The following B3GALT6 variants were observed in gnomAD, a reference collection of about 807,000 sequenced individuals.
B3GALT6 encodes GAG GalTII.
Under a neutral mutation model 23.3 loss-of-function variants are expected in B3GALT6, and 27 were observed. The observed-to-expected ratio is 1.16, with a 90% confidence interval of 0.85 to 1.60. The LOEUF (loss-of-function observed/expected upper bound fraction) is 1.60, where lower values mean the gene tolerates loss of function less well. B3GALT6 is among the 40% of genes most tolerant of loss of function. B3GALT6 has a pLI of 0.00. For synonymous variants in B3GALT6, 313 were observed against 232.3 expected (o/e 1.35, Z -3.16); for missense variants, 554 against 471.1 (o/e 1.18, Z -1.63).
chr1:1,233,182 C>A lies in B3GALT6; in HGVS notation c.904C>A (p.Arg302Ser). 6.5e-7 allele frequency: 1 copy of A among 1,543,796 alleles called. No individual in the cohort carries two copies. Among genetic ancestry groups the A allele is most frequent in the Non-Finnish European group, 8.7e-7 (1 of 1,148,992 alleles). ...GGCGCGCGAGGGCCGCCTGTGCAAG[C>A]GCGAGGTGCAGCTGCGCCTGTCCTA... is the stretch of plus-strand genomic sequence containing the variant. Reference protein sequence around the residue: ...TLAREGRLCKREVQLRLSYVY... With the variant: ...TLAREGRLCKSEVQLRLSYVY... Residue 302 changes from arginine to serine, a missense_variant, in exon 1 of 1, where the codon CGC (arginine) becomes AGC (serine). Arg to Ser is a moderately radical substitution (Grantham distance 110, BLOSUM62 -1). Coordinates refer to ENST00000379198, the MANE Select transcript of B3GALT6 (RefSeq NM_080605.4).
rs746713653 is a variant in B3GALT6, at chr1:1,232,676, C to A, written c.398C>A (p.Thr133Lys). Residue 133 changes from threonine to lysine, a missense_variant, in exon 1 of 1, where the codon ACG becomes AAG. Thr to Lys is a moderately conservative substitution (Grantham distance 78). Coordinates refer to ENST00000379198, the MANE Select transcript of B3GALT6 (RefSeq NM_080605.4). Reference protein sequence around the residue: ...PALRDAYENLTAKVLAMLAWL... With the variant: ...PALRDAYENLKAKVLAMLAWL... Reference sequence around the variant, plus strand: ...CTGCGCGACGCCTACGAAAACCTCACGGCCAAGGTGCTGGCCATGCTGGCC... The same window carrying A: ...CTGCGCGACGCCTACGAAAACCTCAAGGCCAAGGTGCTGGCCATGCTGGCC... 2 of 1,358,894 alleles carry A rather than the reference C, an allele frequency of 1.5e-6. No homozygotes were observed. Among genetic ancestry groups the A allele is most frequent in the South Asian group, 1.8e-5 (1 of 55,864 alleles). The allele number at this position is 1,358,894 out of a possible 1,614,324, so 84.2% of individuals were successfully genotyped here.
At position 1,234,601 on chromosome 1, in the gene B3GALT6, G is replaced by T. The variant is rs1009829243; in HGVS notation, c.*1333G>T. 3.0e-5 allele frequency: 5 copies of T among 166,948 alleles called. No homozygotes were observed. The highest frequency in any genetic ancestry group is 1.2e-4 in the African/African-American group (5 of 41,444). 10.3% of individuals were successfully genotyped at this position (166,948 alleles called of 1,614,324 possible). A position where few individuals can be genotyped will look rare whatever the true frequency, so the allele number is the denominator to read the frequency against. ...ACAGTTTGTTCTTGGACGAGGACTC[G>T]TGAGGATCGAGGGCTGGGGACCCCG... is the stretch of plus-strand genomic sequence containing the variant. On this transcript the variant is annotated 3_prime_UTR_variant, in exon 1 of 1. Coordinates refer to ENST00000379198, the MANE Select transcript of B3GALT6 (RefSeq NM_080605.4).
rs756566189 is a variant in B3GALT6, at chr1:1,233,162, G to T, written c.884G>T (p.Arg295Leu). The T allele has an allele frequency of 1.2e-5, 18 of 1,547,966 alleles. No individual in the cohort carries two copies. In the Admixed American group the frequency reaches 2.5e-4, roughly 22 times the overall value. Residue 295 changes from arginine (R) to leucine (L), a missense_variant, in exon 1 of 1, where the codon CGC becomes CTC. Transcript: ENST00000379198. ...CTGGAGAAGCACGCGACGCTGGCGCGCGAGGGCCGCCTGTGCAAGCGCGAG... is the reference window on the plus strand; with the variant it reads ...CTGGAGAAGCACGCGACGCTGGCGCTCGAGGGCCGCCTGTGCAAGCGCGAG... Reference protein sequence around the residue: ...DMLEKHATLAREGRLCKREVQ... With the variant: ...DMLEKHATLALEGRLCKREVQ...
In B3GALT6 at chr1:1,232,686, G is replaced by A. The variant is rs1005068463; in HGVS notation, c.408G>A (p.Val136=). The A allele has an allele frequency of 5.7e-6, 8 of 1,394,986 alleles. No individual in the cohort carries two copies. Among genetic ancestry groups the A allele is most frequent in the South Asian group, 1.6e-5 (1 of 64,108 alleles). 86.4% of individuals were successfully genotyped at this position (1,394,986 alleles called of 1,614,324 possible). Residue 136 remains valine, a synonymous_variant, in exon 1 of 1, where the codon GTG becomes GTA. Transcript: ENST00000379198. ...RDAYENLTAK[V]LAMLAWLDEH... The stretch of plus-strand genomic sequence containing the variant: ...CCTACGAAAACCTCACGGCCAAGGT[G>A]CTGGCCATGCTGGCCTGGCTGGACG...
rs1638531735 is a variant in B3GALT6, at chr1:1,232,329, C to T, written c.51C>T (p.Gly17=). 1.0e-6 allele frequency: 1 copy of T among 982,452 alleles called. No individual in the cohort carries two copies. Among genetic ancestry groups the T allele is most frequent in the Non-Finnish European group, 1.2e-6 (1 of 830,324 alleles). 60.9% of individuals were successfully genotyped at this position (982,452 alleles called of 1,614,324 possible). A position where few individuals can be genotyped will look rare whatever the true frequency, so the allele number is the denominator to read the frequency against. ...GGCGGCGGGCGGCGCTAGGCCTGGG[C>T]ACGCTGGCGCTGTGCGGGGCGGCGC... ...AWRRRAALGL[G]TLALCGAALL... is the part of the protein sequence containing the mutation. The change falls in exon 1 of 1, where the codon GGC becomes GGT. Residue 17 remains glycine (G), a synonymous_variant. Transcript: ENST00000379198.
Position 1,234,536 on chromosome 1 carries a change from A to G in B3GALT6, c.*1268A>G, listed in dbSNP as rs578059239. 1.5e-4 allele frequency: 25 copies of G among 166,996 alleles called. No individual in the cohort carries two copies. Among genetic ancestry groups the G allele is most frequent in the African/African-American group, 6.0e-4 (25 of 41,540 alleles). The allele number at this position is 166,996 out of a possible 1,614,324, so 10.3% of individuals were successfully genotyped here. ...GTCAGGCCGTTGAGTTCGAGCTCCG[A>G]TGGGCCACCTTGAATCCAGGACTGA... On this transcript the variant is annotated 3_prime_UTR_variant, in exon 1 of 1. Transcript: ENST00000379198.
At position 1,233,447 on chromosome 1, in the gene B3GALT6, TC is replaced by T; in HGVS notation, c.*181del. The stretch of plus-strand genomic sequence containing the variant: ...GGGGTTGCCGGGGCAGCGCGCCGTG[TC>T]CAGGTGGAGGTGCCCGTTCCTGGAC... On this transcript the variant is annotated 3_prime_UTR_variant, in exon 1 of 1. Coordinates refer to ENST00000379198, the MANE Select transcript of B3GALT6 (RefSeq NM_080605.4). 1 of 834,170 alleles carries T rather than the reference TC, an allele frequency of 1.2e-6. No individual in the cohort carries two copies. Among genetic ancestry groups the T allele is most frequent in the Non-Finnish European group, 1.7e-6 (1 of 594,024 alleles). The allele number at this position is 834,170 out of a possible 1,614,324, so 51.7% of individuals were successfully genotyped here.
Position 1,232,413 on chromosome 1 carries a change from C to T in B3GALT6, c.135C>T (p.Arg45=). 1.0e-6 allele frequency: 1 copy of T among 989,838 alleles called. No individual in the cohort carries two copies. Among genetic ancestry groups the T allele is most frequent in the Non-Finnish European group, 1.2e-6 (1 of 834,530 alleles). 61.3% of individuals were successfully genotyped at this position (989,838 alleles called of 1,614,324 possible). The change falls in exon 1 of 1, where the codon CGC becomes CGT. Residue 45 remains arginine (R), a synonymous_variant. Transcript: ENST00000379198. ...EPGDPRAMSG[R]SPPPPAPARA... is the part of the protein sequence containing the mutation. ...GGGACCCCAGGGCGATGTCGGGCCG[C>T]AGCCCGCCTCCCCCCGCGCCCGCGC...
rs368507303 is a variant in B3GALT6, at chr1:1,233,187, G to A, written c.909G>A (p.Glu303=). Residue 303 remains glutamate (E), a synonymous_variant, in exon 1 of 1, where the codon GAG becomes GAA. Transcript: ENST00000379198. The part of the protein sequence containing the change: ...LAREGRLCKR[E]VQLRLSYVYD... ...GCGAGGGCCGCCTGTGCAAGCGCGA[G>A]GTGCAGCTGCGCCTGTCCTACGTGT... 3.3e-4 allele frequency: 503 copies of A among 1,542,928 alleles called. 1 individual carries two copies. The African/African-American group carries it at 5.9e-3, about 18-fold the overall frequency.
rs1638598426 is a variant in B3GALT6 at position 1,233,903 on chromosome 1, T to C, written c.*635T>C. 6.0e-6 allele frequency: 1 copy of C among 166,818 alleles called. No homozygotes were observed. Among genetic ancestry groups the C allele is most frequent in the Non-Finnish European group, 1.5e-5 (1 of 68,098 alleles). The allele number at this position is 166,818 out of a possible 1,614,324, so 10.3% of individuals were successfully genotyped here. On this transcript the variant is annotated 3_prime_UTR_variant, in exon 1 of 1. Transcript: ENST00000379198. ...AGTCACTGAACCCATTGTTTCTTTC[T>C]GAAGAGACTTTCCTTTCAAGGCTTC...
Position 1,233,047 on chromosome 1 carries a change from G to T in B3GALT6, c.769G>T (p.Glu257Ter). 1 of 1,550,352 alleles carries T rather than the reference G, an allele frequency of 6.5e-7. No individual in the cohort carries two copies. Reference sequence around the variant, plus strand: ...GCTGGCGCCGGTGGACGTCCAGCGGGAGCACGACCCGCGCTTCGACACCGA... The same window carrying T: ...GCTGGCGCCGGTGGACGTCCAGCGGTAGCACGACCCGCGCTTCGACACCGA... ...AWLAPVDVQR[E>*]HDPRFDTEYR... The change falls in exon 1 of 1, where the codon GAG (glutamate) becomes TAG (stop). Residue 257 changes from glutamate to a stop codon, truncating the protein, a stop_gained. Transcript: ENST00000379198. LOFTEE classifies it high-confidence loss of function.
At position 1,234,029 on chromosome 1, in the gene B3GALT6, T is replaced by A. The variant is rs1238144384; in HGVS notation, c.*761T>A. On this transcript the variant is annotated 3_prime_UTR_variant, in exon 1 of 1. Transcript: ENST00000379198. ...GGAGTGCTGACGCGGTTCCCCAACTTCCGCCTTAAGAAAACAGGACCAGCC... is the reference window on the plus strand; with the variant it reads ...GGAGTGCTGACGCGGTTCCCCAACTACCGCCTTAAGAAAACAGGACCAGCC... 6.0e-6 allele frequency: 1 copy of A among 166,750 alleles called. No homozygotes were observed. The highest frequency in any genetic ancestry group is 1.5e-5 in the Non-Finnish European group (1 of 68,116). The allele number at this position is 166,750 out of a possible 1,614,324, so 10.3% of individuals were successfully genotyped here.
rs1038982169 is a variant in B3GALT6 at position 1,232,249 on chromosome 1, G to A, written c.-30G>A. On this transcript the variant is annotated 5_prime_UTR_variant, in exon 1 of 1. Coordinates refer to ENST00000379198, the MANE Select transcript of B3GALT6 (RefSeq NM_080605.4). ...GCGGCGCCTGCGCACTCGCGAGTCCGGCCTGGGCCGCCGGCCCGGCGCGGG... is the reference window on the plus strand; with the variant it reads ...GCGGCGCCTGCGCACTCGCGAGTCCAGCCTGGGCCGCCGGCCCGGCGCGGG... 1 of 980,612 alleles carries A rather than the reference G, an allele frequency of 1.0e-6. No homozygotes were observed. The highest frequency in any genetic ancestry group is 1.1e-4 in the East Asian group (1 of 8,734). 60.7% of individuals were successfully genotyped at this position (980,612 alleles called of 1,614,324 possible).
rs768459889 is a variant in B3GALT6, at chr1:1,233,271, C to T, written c.*3C>T. 1.4e-6 allele frequency: 2 copies of T among 1,442,838 alleles called. No individual in the cohort carries two copies. The highest frequency in any genetic ancestry group is 1.5e-5 in the African/African-American group (1 of 67,966). The allele number at this position is 1,442,838 out of a possible 1,614,324, so 89.4% of individuals were successfully genotyped here. The stretch of plus-strand genomic sequence containing the variant: ...AGAGAAGGGAGGGCATCCCCTGAGC[C>T]GCCGCGGCCCGGCCCTCCGGGACAC... On this transcript the variant is annotated 3_prime_UTR_variant, in exon 1 of 1. Coordinates refer to ENST00000379198, the MANE Select transcript of B3GALT6 (RefSeq NM_080605.4).
At position 1,233,430 on chromosome 1, in the gene B3GALT6, C is replaced by T. The variant is rs1311494884; in HGVS notation, c.*162C>T. 2 of 960,168 alleles carry T rather than the reference C, an allele frequency of 2.1e-6. No homozygotes were observed. Among genetic ancestry groups the T allele is most frequent in the Non-Finnish European group, 2.8e-6 (2 of 707,252 alleles). 59.5% of individuals were successfully genotyped at this position (960,168 alleles called of 1,614,324 possible). On this transcript the variant is annotated 3_prime_UTR_variant, in exon 1 of 1. Coordinates refer to ENST00000379198, the MANE Select transcript of B3GALT6 (RefSeq NM_080605.4). ...CGTTTGGGAGACCCCTGGGGGTTGCCGGGGCAGCGCGCCGTGTCCAGGTGG... is the reference window on the plus strand; with the variant it reads ...CGTTTGGGAGACCCCTGGGGGTTGCTGGGGCAGCGCGCCGTGTCCAGGTGG...
Position 1,233,587 on chromosome 1 carries a change from C to T in B3GALT6, c.*319C>T, listed in dbSNP as rs1297708283. 2 of 309,478 alleles carry T rather than the reference C, an allele frequency of 6.5e-6. No homozygotes were observed. Among genetic ancestry groups the T allele is most frequent in the East Asian group, 1.1e-4 (2 of 17,588 alleles). 19.2% of individuals were successfully genotyped at this position (309,478 alleles called of 1,614,324 possible). On this transcript the variant is annotated 3_prime_UTR_variant, in exon 1 of 1. Coordinates refer to ENST00000379198, the MANE Select transcript of B3GALT6 (RefSeq NM_080605.4). ...CTCTTATCAGTGGCGTTTCTCACGT[C>T]TGCGTCTCAGATCTAACGTGGTTTC... is the stretch of plus-strand genomic sequence containing the variant.
Position 1,234,170 on chromosome 1 carries a change from G to T in B3GALT6, c.*902G>T. 6.0e-6 allele frequency: 1 copy of T among 166,990 alleles called. No homozygotes were observed. The allele number at this position is 166,990 out of a possible 1,614,324, so 10.3% of individuals were successfully genotyped here. ...AAAATGAAGCTGCCCCAGGACAAGGGGTTACCATGAGCTCCCTGGAGTCCG... is the reference window on the plus strand; with the variant it reads ...AAAATGAAGCTGCCCCAGGACAAGGTGTTACCATGAGCTCCCTGGAGTCCG... On this transcript the variant is annotated 3_prime_UTR_variant, in exon 1 of 1. Transcript: ENST00000379198.
Position 1,232,798 on chromosome 1 carries a change from G to C in B3GALT6, c.520G>C (p.Glu174Gln), listed in dbSNP as rs750182732. 6.8e-5 allele frequency: 92 copies of C among 1,349,420 alleles called. 1 individual carries two copies. In the South Asian group the frequency reaches 1.6e-3, roughly 24 times the overall value. 83.6% of individuals were successfully genotyped at this position (1,349,420 alleles called of 1,614,324 possible). A position where few individuals can be genotyped will look rare whatever the true frequency, so the allele number is the denominator to read the frequency against. Reference protein sequence around the residue: ...DALLAELRAREPARRRRLYWG... With the variant: ...DALLAELRARQPARRRRLYWG... ...GCTGCTGGCCGAGCTGCGCGCCCGC[G>C]AGCCCGCGCGCCGCCGCCGCCTCTA... Residue 174 changes from glutamate to glutamine, a missense_variant, in exon 1 of 1, where the codon GAG becomes CAG. Physicochemically the swap from Glu to Gln is conservative, Grantham distance 29. Coordinates refer to ENST00000379198, the MANE Select transcript of B3GALT6 (RefSeq NM_080605.4).
rs1357418749 is a variant in B3GALT6, at chr1:1,232,398, G to A, written c.120G>A (p.Arg40=). 2 of 988,682 alleles carry A rather than the reference G, an allele frequency of 2.0e-6. No homozygotes were observed. The highest frequency in any genetic ancestry group is 3.5e-5 in the African/African-American group (2 of 56,792). The allele number at this position is 988,682 out of a possible 1,614,324, so 61.2% of individuals were successfully genotyped here. ...ARCAAEPGDP[R]AMSGRSPPPP... ...GCGCGGCCGAGCCCGGGGACCCCAG[G>A]GCGATGTCGGGCCGCAGCCCGCCTC... Residue 40 remains arginine, a synonymous_variant, in exon 1 of 1, where the codon AGG becomes AGA. Coordinates refer to ENST00000379198, the MANE Select transcript of B3GALT6 (RefSeq NM_080605.4).
Sources: allele counts gnomAD v4.1 joint callset, GRCh38; gene constraint gnomAD v4.1.1; transcripts MANE v1.5; gene names NCBI Gene and HGNC (gene_info 2026-07-23, HGNC 2026-07-21).